The following SSH1 variants were observed in gnomAD, a reference collection of about 807,000 sequenced individuals.
SSH1 encodes the protein protein phosphatase Slingshot homolog 1.
In SSH1, 43 loss-of-function variants were observed where a neutral mutation model predicts 79.7. That is an observed-to-expected ratio of 0.54 (90% CI 0.42 to 0.70). The LOEUF is 0.70. Among genes scored for constraint, SSH1 ranks in the 30% least tolerant of loss-of-function variants. The pLI is 0.00. For synonymous variants in SSH1, 599 were observed against 538.3 expected (o/e 1.11, Z -1.56); for missense variants, 1,206 against 1,358.8 (o/e 0.89, Z 1.77).
intron 2 of SSH1, among the ~76,000 whole-genome samples, chr12:108,835,852 T>C (rs1014440559): frequency 2.1e-5 from 3 of 143,642 alleles, no homozygotes; most frequent in Non-Finnish European, 3.1e-5. Flanking sequence ...AATATATTTA[T>C]GATATATAGC....
intron 2 of SSH1, among the ~76,000 whole-genome samples, chr12:108,838,228 T>C (rs1345517459): frequency 6.6e-6 from 1 of 152,252 alleles, no homozygotes; most frequent in Non-Finnish European, 1.5e-5. Context: ...ACTTTGCCCT[T>C]TCATCTCTTG....
At chr12:108,845,321 C>T (rs777968120) in intron 2 of SSH1, among the ~76,000 whole-genome samples, 2 of 152,110 alleles carry the variant, frequency 1.3e-5, no homozygotes, top group African/African-American at 4.8e-5. Context: ...TGTGAGTTCC[C>T]GAACAGAGAA....
At chr12:108,827,486 G>GT in intron 2 of SSH1, 1 of 1,298,358 alleles carries the variant, frequency 7.7e-7, no homozygotes, top group Admixed American at 3.7e-5. Flanking sequence ...CCTCCTCAGA[G>GT]TCCTACCCGA....
chr12:108,838,784 T>A (rs1279253668), intron 2 of SSH1, among the ~76,000 whole-genome samples: 1 of 152,214 alleles, frequency 6.6e-6, no homozygotes, highest in Non-Finnish European at 1.5e-5. Flanking sequence ...GAGGAACTGA[T>A]CTGCTGGTAT....
intron 1 of SSH1, among the ~76,000 whole-genome samples, chr12:108,856,211 T>C (rs1027183812): frequency 6.6e-6 from 1 of 152,206 alleles, no homozygotes; most frequent in African/African-American, 2.4e-5. Flanking sequence ...CCAGAGGCCT[T>C]GACGGGTTCT....
chr12:108,849,546 C>T (rs118098091), intron 2 of SSH1, among the ~76,000 whole-genome samples: 2,279 of 152,150 alleles, frequency 0.015, 29 homozygotes, highest in Non-Finnish European at 0.025. Context: ...AACAAAGACC[C>T]TGTCTCTAAA....
At chr12:108,853,663 C>A (rs1334474548) in intron 1 of SSH1, among the ~76,000 whole-genome samples, 1 of 152,180 alleles carries the variant, frequency 6.6e-6, no homozygotes, top group Non-Finnish European at 1.5e-5. Flanking sequence ...GTGGCTCACA[C>A]CTGGAATCCC....
rs948615587 is a variant in SSH1, at chr12:108,851,893, G to A, written c.110+745C>T. Among the ~76,000 whole-genome samples, 4 of 151,868 alleles carry A rather than the reference G, an allele frequency of 2.6e-5. No individual in the cohort carries two copies. The South Asian group carries it at 8.3e-4, about 31-fold the overall frequency. ...ACTTTTTTTTTTAAGCAGAAGAATA[G>A]TCTGCAAGAAAATACATAAAAATGC... On this transcript the variant is annotated intron_variant, in intron 2 of 14. Transcript: ENST00000326495.
chr12:108,810,035 G>A (rs4964759), intron 6 of SSH1, among the ~76,000 whole-genome samples: 83,474 of 151,846 alleles, frequency 0.55, 25,265 homozygotes, highest in African/African-American at 0.8. Flanking sequence ...GAAGGCCTCC[G>A]AGAGCGTCTC....
intron 12 of SSH1, among the ~76,000 whole-genome samples, chr12:108,799,565 A>G (rs7980055): frequency 0.63 from 95,675 of 152,062 alleles, 32,742 homozygotes; most frequent in East Asian, 0.99. Context: ...CCCTTTCCTG[A>G]GACGAGAGTG....
intron 13 of SSH1, among the ~76,000 whole-genome samples, chr12:108,793,668 T>C (rs768793100): frequency 6.6e-6 from 1 of 152,136 alleles, no homozygotes; most frequent in Non-Finnish European, 1.5e-5. Context: ...AGTGTTGGGA[T>C]TACTGGCATG....
At chr12:108,841,701 C>T (rs762122918) in intron 2 of SSH1, among the ~76,000 whole-genome samples, 2 of 151,940 alleles carry the variant, frequency 1.3e-5, no homozygotes, top group Non-Finnish European at 2.9e-5. Context: ...CCCAGCTACT[C>T]GGGAGGCTGA....
Position 108,800,968 on chromosome 12 carries a change from A to C in SSH1, c.1002-42T>G, listed in dbSNP as rs759813602. The stretch of plus-strand genomic sequence containing the variant: ...ATAAGAAACAAATTTGGACAATCTG[A>C]ATGAGAAAGAAAAGCAAGGTAATAA... On this transcript the variant is annotated intron_variant, in intron 11 of 14. Transcript: ENST00000326495. 24 of 1,584,930 alleles carry C rather than the reference A, an allele frequency of 1.5e-5. 1 individual carries two copies. The Admixed American group carries it at 4.1e-4, about 27-fold the overall frequency.
Position 108,844,297 on chromosome 12 carries a change from C to T in SSH1, c.110+8341G>A, listed in dbSNP as rs562095866. Among the ~76,000 whole-genome samples, 248 of 152,002 alleles carry T rather than the reference C, an allele frequency of 1.6e-3. 1 individual carries two copies. Among genetic ancestry groups the T allele is most frequent in the African/African-American group, 5.8e-3 (240 of 41,464 alleles). On this transcript the variant is annotated intron_variant, in intron 2 of 14. Coordinates refer to ENST00000326495, the MANE Select transcript of SSH1 (RefSeq NM_018984.4). ...AAAAAAAAATAAGAATCAACATGGGCGGTTATTTTTAAGGCCAGCATGTTC... is the reference window on the plus strand; with the variant it reads ...AAAAAAAAATAAGAATCAACATGGGTGGTTATTTTTAAGGCCAGCATGTTC...
Position 108,807,559 on chromosome 12 carries a change from G to A in SSH1, c.731+74C>T, listed in dbSNP as rs1218126148. 16 of 1,463,158 alleles carry A rather than the reference G, an allele frequency of 1.1e-5. No individual in the cohort carries two copies. The East Asian group carries it at 1.4e-4, about 13-fold the overall frequency. 90.6% of individuals were successfully genotyped at this position (1,463,158 alleles called of 1,614,324 possible). A position where few individuals can be genotyped will look rare whatever the true frequency, so the allele number is the denominator to read the frequency against. On this transcript the variant is annotated intron_variant, in intron 8 of 14. Coordinates refer to ENST00000326495, the MANE Select transcript of SSH1 (RefSeq NM_018984.4). This position sits in a 1 kb window ranked among gnomAD's most constrained non-coding sequence, Gnocchi z 5.2. ...TGTGGCCCAATGCAGGTTCAGGGTC[G>A]GGCACAGGGCAGGTGGGGGAGAGGC...
intron 3 of SSH1, among the ~76,000 whole-genome samples, chr12:108,819,524 T>C (rs761170514): frequency 1.3e-5 from 2 of 152,168 alleles, no homozygotes; most frequent in African/African-American, 2.4e-5. Context: ...GAAGAAAGGG[T>C]CATCTGTAGA....
chr12:108,847,063 A>T (rs1301083607), intron 2 of SSH1, among the ~76,000 whole-genome samples: 6 of 151,898 alleles, frequency 4.0e-5, no homozygotes, highest in Non-Finnish European at 8.8e-5. Flanking sequence ...TGCCCAGCTA[A>T]TTTTTCTATT....
Position 108,809,760 on chromosome 12 carries a change from T to C in SSH1, c.471-2A>G, listed in dbSNP as rs1461690030. 2 of 1,613,514 alleles carry C rather than the reference T, an allele frequency of 1.2e-6. No individual in the cohort carries two copies. Among genetic ancestry groups the C allele is most frequent in the Non-Finnish European group, 1.7e-6 (2 of 1,179,522 alleles). The stretch of plus-strand genomic sequence containing the variant: ...CCTGCTGTGCTCACGCTGAACCCAC[T>C]GAGAATAAAACACAGAGAGAAAGGT... On this transcript the variant is annotated splice_acceptor_variant, in intron 6 of 14. Coordinates refer to ENST00000326495, the MANE Select transcript of SSH1 (RefSeq NM_018984.4). LOFTEE classifies it high-confidence loss of function.
chr12:108,849,858 A>G (rs1220400605), intron 2 of SSH1, among the ~76,000 whole-genome samples: 10 of 70,290 alleles, frequency 1.4e-4, no homozygotes, highest in South Asian at 1.4e-3. Context: ...GGGACCTCCA[A>G]GAGGGAGCTA....
Sources: allele counts gnomAD v4.1 joint callset (sites outside exome capture counted in the v4.1 genomes callset), GRCh38; gene constraint gnomAD v4.1.1; non-coding constraint Gnocchi (gnomAD v3.1); transcripts MANE v1.5; gene names NCBI Gene and HGNC (gene_info 2026-07-23, HGNC 2026-07-21).